Variants in TLE3 observed in about 807,000 individuals in gnomAD.
TLE3 encodes TLE family member 3, transcriptional corepressor.
In TLE3, 14 loss-of-function variants were observed where a neutral mutation model predicts 93.0. The ratio of observed to expected loss-of-function variants is 0.15; its 90% confidence interval spans 0.10 to 0.24. TLE3 has a LOEUF of 0.24. TLE3 is among the 10% of genes least tolerant of loss of function. The probability of loss-of-function intolerance (pLI) is 1.00; values close to 1 mark genes in which losing one functional copy is unlikely to be tolerated. For synonymous variants in TLE3, 451 were observed against 425.0 expected, an observed-to-expected ratio of 1.06 and a Z score of -0.75; for missense variants, 693 against 1,046.6, an observed-to-expected ratio of 0.66 and a Z score of 4.66.
chr15:70,074,301 G>T (rs1007352014), intron 6 of TLE3, among the ~76,000 whole-genome samples: 4 of 152,198 alleles, frequency 2.6e-5, no homozygotes, highest in African/African-American at 9.7e-5. Context: ...TGAAGAGGTG[G>T]ATTTGAGGCG....
In TLE3 at chr15:70,052,738, T is replaced by C. The variant is rs1007845989; in HGVS notation, c.1975-214A>G. On this transcript the variant is annotated intron_variant, in intron 17 of 19. Transcript: ENST00000451782. ...TTCAGTTACTCTGTCTCTGAGACTT[T>C]CATCTTTCCTTAAGAAAAAAGTGAG... 10 of 403,700 alleles carry C rather than the reference T, an allele frequency of 2.5e-5. No homozygotes were observed. The South Asian group carries it at 1.2e-3, about 49-fold the overall frequency. 25.0% of individuals were successfully genotyped at this position (403,700 alleles called of 1,614,324 possible). A position where few individuals can be genotyped will look rare whatever the true frequency, so the allele number is the denominator to read the frequency against.
rs530671791 is a variant in TLE3 at position 70,097,701 on chromosome 15, A to G, written c.-903T>C. On this transcript the variant is annotated 5_prime_UTR_variant, in exon 1 of 20. Coordinates refer to ENST00000451782, the MANE Select transcript of TLE3 (RefSeq NM_001105192.3). ...GGGGAGACGCAGCCCGAGACCGGGG[A>G]GCTCTACGGCTTCCTTCCTTCCCCT... 87 of 396,938 alleles carry G rather than the reference A, an allele frequency of 2.2e-4. No individual in the cohort carries two copies. The highest frequency in any genetic ancestry group is 1.7e-3 in the African/African-American group (82 of 48,614). The allele number at this position is 396,938 out of a possible 1,614,324, so 24.6% of individuals were successfully genotyped here.
chr15:70,060,526 G>A lies in TLE3; in HGVS notation c.714+4C>T, dbSNP rs780090750. On this transcript the variant is annotated splice_donor_region_variant and intron_variant, in intron 9 of 19. Transcript: ENST00000451782. ...CCAGTGGTGCCATGGCGCCTTGGAC[G>A]TACGTATCGGCTCAAGCTGTCCTTC... The A allele has an allele frequency of 1.9e-5, 31 of 1,613,570 alleles. No homozygotes were observed. The highest frequency in any genetic ancestry group is 1.7e-4 in the Middle Eastern group (1 of 6,038).
Position 70,095,977 on chromosome 15 carries a change from G to A in TLE3, c.125+184C>T, listed in dbSNP as rs539775698. 67 of 765,720 alleles carry A rather than the reference G, an allele frequency of 8.7e-5. No individual in the cohort carries two copies. In the South Asian group the frequency reaches 1.2e-3, roughly 14 times the overall value. 47.4% of individuals were successfully genotyped at this position (765,720 alleles called of 1,614,324 possible). A position where few individuals can be genotyped will look rare whatever the true frequency, so the allele number is the denominator to read the frequency against. ...GACCCCACGGGCGGCGCTGGGAGCC[G>A]GGCTGCTGCGGGCAGTAAAGGGTTA... On this transcript the variant is annotated intron_variant, in intron 2 of 19. Coordinates refer to ENST00000451782, the MANE Select transcript of TLE3 (RefSeq NM_001105192.3).
intron 9 of TLE3, 41 bp downstream of exon 9, chr15:70,060,489 C>T: frequency 1.2e-6 from 2 of 1,610,986 alleles, no homozygotes; most frequent in South Asian, 1.1e-5. Flanking sequence ...CCTGCCCTAC[C>T]CAACAGAAAC....
At chr15:70,059,312 A>C in intron 10 of TLE3, 98 bp downstream of exon 10, 2 of 1,408,756 alleles carry the variant, frequency 1.4e-6, no homozygotes, top group Non-Finnish European at 1.9e-6. Context: ...TCAGGCTGCC[A>C]GTAATACTAG....
At chr15:70,051,259 G>A (rs2055511317) in intron 19 of TLE3, 132 bp downstream of exon 19, 1 of 837,422 alleles carries the variant, frequency 1.2e-6, no homozygotes, top group Non-Finnish European at 1.8e-6. Context: ...GGGGTGGGGA[G>A]GGGACCAGGG....
intron 4 of TLE3, among the ~76,000 whole-genome samples, chr15:70,092,001 C>T (rs552121849): frequency 7.8e-6 from 1 of 127,476 alleles, no homozygotes; most frequent in Admixed American, 9.4e-5. Context: ...ATGAAGAATC[C>T]AGCCTGTTTG....
chr15:70,095,223 C>T (rs772048871), intron 3 of TLE3, among the ~76,000 whole-genome samples: 7 of 152,232 alleles, frequency 4.6e-5, no homozygotes, highest in African/African-American at 7.2e-5. Context: ...TTTTTACCAA[C>T]CCTAATTTCA....
intron 6 of TLE3, among the ~76,000 whole-genome samples, chr15:70,073,547 C>T (rs745481842): frequency 1.3e-5 from 2 of 152,182 alleles, no homozygotes; most frequent in Non-Finnish European, 2.9e-5. Flanking sequence ...ATCTAGAAAT[C>T]GTTAGGAACA....
Position 70,083,937 on chromosome 15 carries a change from C to T in TLE3, c.235-7779G>A, listed in dbSNP as rs148840784. On this transcript the variant is annotated intron_variant, in intron 4 of 19. Transcript: ENST00000451782. ...TCACAACCAAAGAGCATACCTGTTC[C>T]GTAAATTAAAATAAAAAGGGTTAGA... 1.5e-3 allele frequency among the ~76,000 whole-genome samples: 225 copies of T among 152,158 alleles called. 1 individual carries two copies. The highest frequency in any genetic ancestry group is 5.1e-3 in the African/African-American group (212 of 41,494).
chr15:70,056,128 T>C (rs1353848168), intron 14 of TLE3, 170 bp downstream of exon 14: 8 of 729,590 alleles, frequency 1.1e-5, no homozygotes, highest in Non-Finnish European at 1.9e-5. Context: ...TACAGTTTCC[T>C]GGGGTTGCAA....
At chr15:70,096,016 G>A (rs1239100881) in intron 2 of TLE3, 145 bp downstream of exon 2, 1 of 1,002,398 alleles carries the variant, frequency 1.0e-6, no homozygotes, top group African/African-American at 1.6e-5. Flanking sequence ...CGGCGCGCTC[G>A]GAAAGGGGAA....
chr15:70,077,548 C>A (rs1457843948), intron 4 of TLE3, among the ~76,000 whole-genome samples: 1 of 152,232 alleles, frequency 6.6e-6, no homozygotes, highest in Non-Finnish European at 1.5e-5. Flanking sequence ...ACCCTCCACC[C>A]CCTCCACCCT....
chr15:70,081,222 G>A (rs570076872), intron 4 of TLE3, among the ~76,000 whole-genome samples: 1 of 152,304 alleles, frequency 6.6e-6, no homozygotes, highest in African/African-American at 2.4e-5. Flanking sequence ...ACTAGATAAC[G>A]TATAAGATCC....
At chr15:70,065,704 T>C (rs1280280234) in intron 7 of TLE3, among the ~76,000 whole-genome samples, 1 of 152,230 alleles carries the variant, frequency 6.6e-6, no homozygotes, top group Non-Finnish European at 1.5e-5. Context: ...GAAGGCATCC[T>C]GAAGGGTTGG....
At chr15:70,076,679 A>G (rs2057462919) in intron 4 of TLE3, among the ~76,000 whole-genome samples, 1 of 152,080 alleles carries the variant, frequency 6.6e-6, no homozygotes, top group African/African-American at 2.4e-5. Context: ...CCTCCCCCAC[A>G]TATATGCTAC....
chr15:70,081,478 A>G (rs1595977450), intron 4 of TLE3, among the ~76,000 whole-genome samples: 1 of 152,254 alleles, frequency 6.6e-6, no homozygotes, highest in Non-Finnish European at 1.5e-5. Context: ...ACTGCGCTTC[A>G]CTGTGGAAGA....
intron 15 of TLE3, 42 bp from the exon 16 acceptor site, chr15:70,054,727 C>G: frequency 6.6e-7 from 1 of 1,517,736 alleles, no homozygotes; most frequent in Non-Finnish European, 8.9e-7. Flanking sequence ...CCTACTTCCC[C>G]TCCTGGGCAC....
Sources: gnomAD v4.1 joint callset for allele counts (sites outside exome capture counted in the v4.1 genomes callset) on GRCh38, gnomAD v4.1.1 for gene constraint, MANE v1.5 for transcripts, NCBI Gene and HGNC (gene_info 2026-07-23, HGNC 2026-07-21) for gene names.